MAML2: variants seen among roughly 807,000 people sequenced by gnomAD.
MAML2 encodes the protein mastermind like transcriptional coactivator 2.
MAML2 carries 22 observed loss-of-function variants against 96.1 expected under a neutral mutation model. That is an observed-to-expected ratio of 0.23 (90% CI 0.16 to 0.33). The LOEUF (loss-of-function observed/expected upper bound fraction) is 0.33, where lower values mean the gene tolerates loss of function less well. Ranked by LOEUF, MAML2 falls within the 10% of genes least tolerant of loss-of-function variation. The probability of loss-of-function intolerance (pLI) is 1.00; values close to 1 mark genes in which losing one functional copy is unlikely to be tolerated. For synonymous variants in MAML2, 561 were observed against 521.3 expected (o/e 1.08, Z -1.04); for missense variants, 1,367 against 1,392.4 (o/e 0.98, Z 0.29).
Position 96,093,436 on chromosome 11 carries a change from A to C in MAML2, c.595T>G (p.Ser199Ala). Residue 199 changes from serine (S) to alanine (A), a missense_variant, in exon 2 of 5, where the codon TCA becomes GCA. Physicochemically the swap from Ser to Ala is moderately conservative, Grantham distance 99. Transcript: ENST00000524717. Reference protein sequence around the residue: ...SKRPNGFVDNSFLDIKRIRVG... With the variant: ...SKRPNGFVDNAFLDIKRIRVG... ...CGAATTCTTTTGATATCAAGAAATG[A>C]GTTGTCCACAAAGCCATTGGGTCGC... is the stretch of plus-strand genomic sequence containing the variant. 6.2e-7 allele frequency: 1 copy of C among 1,614,042 alleles called. No homozygotes were observed. Among genetic ancestry groups the C allele is most frequent in the South Asian group, 1.1e-5 (1 of 91,070 alleles).
intron 1 of MAML2, among the ~76,000 whole-genome samples, chr11:96,193,495 A>G (rs1230098936): frequency 2.6e-5 from 4 of 152,236 alleles, no homozygotes; most frequent in Non-Finnish European, 4.4e-5. Flanking sequence ...CGTTAAAGAT[A>G]TGCTGATAGA....
intron 1 of MAML2, among the ~76,000 whole-genome samples, chr11:96,298,427 G>C (rs1863332061): frequency 6.6e-6 from 1 of 151,744 alleles, no homozygotes; most frequent in Non-Finnish European, 1.5e-5. Context: ...CCTTGAACCA[G>C]AAGAAGAACA....
chr11:96,185,141 G>T (rs1174740782), intron 1 of MAML2, among the ~76,000 whole-genome samples: 1 of 149,816 alleles, frequency 6.7e-6, no homozygotes, highest in African/African-American at 2.6e-5. Flanking sequence ...GTCCACCGAG[G>T]CTGAGCTGCT....
chr11:96,339,804 C>G lies in MAML2; in HGVS notation c.513+1579G>C, dbSNP rs115818767. Among the ~76,000 whole-genome samples the G allele has an allele frequency of 2.3e-3, 351 of 152,284 alleles. 3 individuals carry two copies. Among genetic ancestry groups the G allele is most frequent in the African/African-American group, 8.1e-3 (337 of 41,556 alleles). On this transcript the variant is annotated intron_variant, in intron 1 of 4. Coordinates refer to ENST00000524717, the MANE Select transcript of MAML2 (RefSeq NM_032427.4). Reference sequence around the variant, plus strand: ...CTCCATTTGAGCGATTCTTTACCCCCCTCCTTTACCCTAACATCTCTTTTT... The same window carrying G: ...CTCCATTTGAGCGATTCTTTACCCCGCTCCTTTACCCTAACATCTCTTTTT...
chr11:95,984,462 G>A (rs772980083), intron 4 of MAML2, among the ~76,000 whole-genome samples: 4 of 152,170 alleles, frequency 2.6e-5, no homozygotes, highest in African/African-American at 7.2e-5. Flanking sequence ...AATGTTACTT[G>A]TTGTCTTTAG....
At chr11:96,278,072 A>T (rs1055275939) in intron 1 of MAML2, among the ~76,000 whole-genome samples, 2 of 152,204 alleles carry the variant, frequency 1.3e-5, no homozygotes, top group Non-Finnish European at 2.9e-5. Context: ...TGCATGTGTG[A>T]TGCCGCTGCT....
chr11:96,110,098 G>A (rs369719622), intron 1 of MAML2, among the ~76,000 whole-genome samples: 13 of 152,304 alleles, frequency 8.5e-5, no homozygotes, highest in South Asian at 2.1e-4. Context: ...GGTCACCTGC[G>A]ATAGGGCAGA....
intron 2 of MAML2, among the ~76,000 whole-genome samples, chr11:95,999,959 C>A (rs576006470): frequency 6.6e-6 from 1 of 152,164 alleles, no homozygotes; most frequent in Non-Finnish European, 1.5e-5. Flanking sequence ...CTGTTCCTCT[C>A]GGCTATTCAT....
chr11:96,057,648 C>T (rs540636660), intron 2 of MAML2, among the ~76,000 whole-genome samples: 1 of 152,208 alleles, frequency 6.6e-6, no homozygotes, highest in African/African-American at 2.4e-5. Flanking sequence ...TTTCACTTTC[C>T]TTATTTTCTA....
In MAML2 at chr11:96,093,510, C is replaced by G. The variant is rs61749254; in HGVS notation, c.521G>C (p.Gly174Ala). 4 of 1,593,008 alleles carry G rather than the reference C, an allele frequency of 2.5e-6. No homozygotes were observed. The highest frequency in any genetic ancestry group is 1.1e-5 in the South Asian group (1 of 87,458). Residue 174 changes from glycine (G) to alanine (A), a missense_variant, in exon 2 of 5, where the codon GGT becomes GCT. Coordinates refer to ENST00000524717, the MANE Select transcript of MAML2 (RefSeq NM_032427.4). ...AACTACCTGTTTTCTTTTCAAGGAA[C>G]CCTGGAGCTGAAAGACAGAAGGGAA... ...QRNSALIALQ[G>A]SLKRKQVVNL... is the part of the protein sequence containing the mutation.
At chr11:96,051,965 T>G (rs986809905) in intron 2 of MAML2, among the ~76,000 whole-genome samples, 1 of 152,158 alleles carries the variant, frequency 6.6e-6, no homozygotes, top group Non-Finnish European at 1.5e-5. Context: ...AGGATTCCGT[T>G]TAGAAACTAG....
intron 1 of MAML2, among the ~76,000 whole-genome samples, chr11:96,115,164 C>CT (rs949954264): frequency 1.4e-3 from 197 of 143,216 alleles, no homozygotes; most frequent in Middle Eastern, 3.6e-3. Context: ...TCTTTTTTTG[C>CT]TTTTTTTTTT....
chr11:96,082,784 A>G (rs1859548024), intron 2 of MAML2, among the ~76,000 whole-genome samples: 1 of 152,234 alleles, frequency 6.6e-6, no homozygotes, highest in African/African-American at 2.4e-5. Context: ...GGAGAATTAC[A>G]GTATCAAAGC....
At chr11:96,016,008 T>G (rs1352750853) in intron 2 of MAML2, among the ~76,000 whole-genome samples, 1 of 152,136 alleles carries the variant, frequency 6.6e-6, no homozygotes, top group African/African-American at 2.4e-5. Context: ...CCCTAGGGAA[T>G]GTACATAAAA....
At chr11:96,086,143 A>G (rs1859608712) in intron 2 of MAML2, among the ~76,000 whole-genome samples, 1 of 152,206 alleles carries the variant, frequency 6.6e-6, no homozygotes. Flanking sequence ...TCAGATCAAA[A>G]GCTCAGCCAG....
intron 2 of MAML2, among the ~76,000 whole-genome samples, chr11:96,023,837 G>T (rs1245131320): frequency 6.6e-6 from 1 of 152,194 alleles, no homozygotes; most frequent in Non-Finnish European, 1.5e-5. Flanking sequence ...TAGGGAAGCT[G>T]GAGAAATGTG....
At chr11:96,107,721 G>A (rs1860047674) in intron 1 of MAML2, among the ~76,000 whole-genome samples, 1 of 152,180 alleles carries the variant, frequency 6.6e-6, no homozygotes, top group Non-Finnish European at 1.5e-5. Context: ...TAAAGGTTGC[G>A]TTGATCACCG....
intron 1 of MAML2, among the ~76,000 whole-genome samples, chr11:96,300,275 T>C (rs1205059492): frequency 3.3e-5 from 5 of 152,158 alleles, no homozygotes; most frequent in African/African-American, 1.2e-4. Context: ...CTTTCAGGAA[T>C]ATTGAAATCT....
At chr11:96,257,983 T>G (rs1862692933) in intron 1 of MAML2, among the ~76,000 whole-genome samples, 1 of 152,242 alleles carries the variant, frequency 6.6e-6, no homozygotes, top group Admixed American at 6.5e-5. Context: ...TACTTGATCC[T>G]AATTTTATGG....
Sources: gnomAD v4.1 joint callset for allele counts (sites outside exome capture counted in the v4.1 genomes callset) on GRCh38, gnomAD v4.1.1 for gene constraint, MANE v1.5 for transcripts, NCBI Gene and HGNC (gene_info 2026-07-23, HGNC 2026-07-21) for gene names.